Variants in EXOC6B observed in about 807,000 individuals in gnomAD.
EXOC6B encodes SEC15 homolog B.
Under a neutral mutation model 113.5 loss-of-function variants are expected in EXOC6B, and 54 were observed. The observed-to-expected ratio is 0.48, with a 90% CI of 0.38 to 0.60. The LOEUF is 0.60. Ranked by LOEUF, EXOC6B falls within the 20% of genes least tolerant of loss-of-function variation. The probability of loss-of-function intolerance (pLI) is 0.00; values close to 1 mark genes in which losing one functional copy is unlikely to be tolerated. For missense variants in EXOC6B, 797 were observed against 977.5 expected, an observed-to-expected ratio of 0.82 and a Z score of 2.46; for synonymous variants, 357 against 339.0, an observed-to-expected ratio of 1.05 and a Z score of -0.58.
intron 19 of EXOC6B, among the ~76,000 whole-genome samples, chr2:72,358,101 A>C (rs1468684908): frequency 6.6e-6 from 1 of 152,176 alleles, no homozygotes; most frequent in Non-Finnish European, 1.5e-5. Context: ...CCCCTGGTAA[A>C]CATGGCATAA....
intron 20 of EXOC6B, among the ~76,000 whole-genome samples, chr2:72,203,491 G>C (rs982023297): frequency 2.0e-5 from 3 of 152,150 alleles, no homozygotes; most frequent in Admixed American, 6.5e-5. Flanking sequence ...ACAGTACAAA[G>C]GGAATTTCAC....
intron 19 of EXOC6B, among the ~76,000 whole-genome samples, chr2:72,345,305 T>C (rs1689265314): frequency 6.6e-6 from 1 of 152,136 alleles, no homozygotes; most frequent in Non-Finnish European, 1.5e-5. Flanking sequence ...ACTCTTATCA[T>C]CAGCCCAGTA....
At chr2:72,583,051 C>G (rs1204291315) in intron 6 of EXOC6B, among the ~76,000 whole-genome samples, 2 of 152,012 alleles carry the variant, frequency 1.3e-5, no homozygotes, top group Non-Finnish European at 2.9e-5. Context: ...TAGGGAATTT[C>G]AAAATACAAC....
chr2:72,797,509 G>T (rs1387546023), intron 1 of EXOC6B, among the ~76,000 whole-genome samples: 2 of 152,148 alleles, frequency 1.3e-5, no homozygotes, highest in East Asian at 3.9e-4. Flanking sequence ...GGAGGGAAAA[G>T]ACTAAGTAAA....
chr2:72,513,383 A>G, intron 10 of EXOC6B, 131 bp from the exon 11 acceptor site: 1 of 1,138,298 alleles, frequency 8.8e-7, no homozygotes, highest in Non-Finnish European at 1.2e-6. Context: ...GAAGAAACTT[A>G]TTCAGTAGAA....
intron 18 of EXOC6B, among the ~76,000 whole-genome samples, chr2:72,415,420 C>T (rs1247993772): frequency 6.6e-6 from 1 of 150,932 alleles, no homozygotes; most frequent in Non-Finnish European, 1.5e-5. Flanking sequence ...ATAGATAAAA[C>T]AAACAGAAAA....
intron 8 of EXOC6B, among the ~76,000 whole-genome samples, chr2:72,555,212 A>G (rs1573384252): frequency 6.6e-6 from 1 of 152,210 alleles, no homozygotes; most frequent in Non-Finnish European, 1.5e-5. Context: ...GCCACAATAA[A>G]CATACTTGTG....
chr2:72,193,201 C>T (rs1326549596), intron 20 of EXOC6B, among the ~76,000 whole-genome samples: 1 of 152,160 alleles, frequency 6.6e-6, no homozygotes, highest in Admixed American at 6.5e-5. Flanking sequence ...AGGCATGACA[C>T]CAAATCTGTT....
intron 18 of EXOC6B, among the ~76,000 whole-genome samples, chr2:72,444,832 C>T (rs1042474648): frequency 2.0e-5 from 3 of 152,154 alleles, no homozygotes; most frequent in Non-Finnish European, 2.9e-5. Flanking sequence ...CTTCCTAGGC[C>T]TCCAGGCCCA....
intron 6 of EXOC6B, among the ~76,000 whole-genome samples, chr2:72,652,627 A>G (rs1374925775): frequency 1.3e-5 from 2 of 150,530 alleles, no homozygotes; most frequent in Non-Finnish European, 3.0e-5. Context: ...AAAACTATTC[A>G]CCATCAATAA....
intron 18 of EXOC6B, among the ~76,000 whole-genome samples, chr2:72,430,142 C>T (rs1490556359): frequency 6.6e-6 from 1 of 152,184 alleles, no homozygotes; most frequent in East Asian, 1.9e-4. Flanking sequence ...GAGAAGACTA[C>T]ATCTTTTCAT....
intron 20 of EXOC6B, among the ~76,000 whole-genome samples, chr2:72,228,573 T>C (rs1283268665): frequency 2.6e-5 from 4 of 152,148 alleles, no homozygotes; most frequent in Non-Finnish European, 4.4e-5. Context: ...GCTTCATCCA[T>C]GTCCCTACAA....
At chr2:72,251,038 G>A (rs1316134020) in intron 20 of EXOC6B, among the ~76,000 whole-genome samples, 1 of 134,210 alleles carries the variant, frequency 7.5e-6, no homozygotes. Flanking sequence ...ATGTTGCCCA[G>A]GCTGGTCTTG....
chr2:72,771,429 CCT>C (rs1169223666), intron 1 of EXOC6B, among the ~76,000 whole-genome samples: 4 of 152,090 alleles, frequency 2.6e-5, no homozygotes, highest in African/African-American at 7.2e-5. Context: ...GTCTGTACCT[CCT>C]CTCTCTTACA....
intron 20 of EXOC6B, among the ~76,000 whole-genome samples, chr2:72,224,842 G>A (rs528322387): frequency 1.4e-4 from 21 of 150,390 alleles, no homozygotes; most frequent in Non-Finnish European, 2.7e-4. Context: ...GTGTGTATGT[G>A]TGTGTATATA....
chr2:72,206,032 C>A (rs1299464793), intron 20 of EXOC6B, among the ~76,000 whole-genome samples: 1 of 152,098 alleles, frequency 6.6e-6, no homozygotes, highest in African/African-American at 2.4e-5. Flanking sequence ...TGGGTAGAAA[C>A]ACAGGGGAAA....
At chr2:72,775,892 A>G (rs1181902994) in intron 1 of EXOC6B, among the ~76,000 whole-genome samples, 1 of 152,240 alleles carries the variant, frequency 6.6e-6, no homozygotes, top group African/African-American at 2.4e-5. Flanking sequence ...ATATATACAC[A>G]CAAATGCCTA....
intron 20 of EXOC6B, among the ~76,000 whole-genome samples, chr2:72,287,309 T>C (rs1044818935): frequency 6.6e-6 from 1 of 151,570 alleles, no homozygotes; most frequent in Non-Finnish European, 1.5e-5. Flanking sequence ...CAGGCACCTG[T>C]AGTCCCAGCT....
intron 5 of EXOC6B, among the ~76,000 whole-genome samples, chr2:72,721,364 TAAAAAAAAAAA>T (rs11408155): frequency 1.1e-4 from 3 of 28,502 alleles, no homozygotes; most frequent in Admixed American, 4.4e-4. Flanking sequence ...GTTGTTTTTG[TAAAAAAAAAAA>T]AAAAAAAAAA....
Sources: allele counts gnomAD v4.1 joint callset (sites outside exome capture counted in the v4.1 genomes callset), GRCh38; gene constraint gnomAD v4.1.1; transcripts MANE v1.5; gene names NCBI Gene and HGNC (gene_info 2026-07-23, HGNC 2026-07-21).